SAGE1: variants seen among roughly 807,000 people sequenced by gnomAD.
SAGE1 encodes cancer/testis antigen 14.
A neutral mutation model predicts 55.4 loss-of-function variants in SAGE1; 55 were observed. The observed-to-expected ratio is 0.99, with a 90% CI of 0.80 to 1.24. The LOEUF (loss-of-function observed/expected upper bound fraction) is 1.24. SAGE1 is among the 50% of genes most tolerant of loss of function. SAGE1 has a pLI of 0.00. For synonymous variants in SAGE1, 240 were observed against 244.3 expected, an observed-to-expected ratio of 0.98 and a Z score of 0.17; for missense variants, 710 against 704.4, an observed-to-expected ratio of 1.01 and a Z score of -0.09.
chrX:135,906,905 G>T, intron 7 of SAGE1, 21 bp from the exon 8 acceptor site: 1 of 1,203,727 alleles, frequency 8.3e-7, no homozygotes, highest in Non-Finnish European at 1.1e-6. Flanking sequence ...TAACAGCTCA[G>T]CCTCTTCATT....
At position 135,907,612 on chromosome X, in the gene SAGE1, T is replaced by C. The variant is rs2088819447; in HGVS notation, c.1019-89T>C. ...GTATCCTCCTGCTTTATGAGTTAAT[T>C]TCCTAGACCCTGAGCATCAGAGGGA... On this transcript the variant is annotated intron_variant, in intron 9 of 19. Coordinates refer to ENST00000370709, the MANE Select transcript of SAGE1 (RefSeq NM_001381902.1). 1.2e-5 allele frequency: 13 copies of C among 1,056,614 alleles called. No individual in the cohort carries two copies. In the South Asian group the frequency reaches 2.8e-4, roughly 23 times the overall value. The allele number at this position is 1,056,614 out of a possible 1,213,427, so 87.1% of individuals were successfully genotyped here.
In SAGE1 at chrX:135,910,427, C is replaced by G; in HGVS notation, c.1877C>G (p.Thr626Ser). 1 of 1,210,556 alleles carries G rather than the reference C, an allele frequency of 8.3e-7. No individual in the cohort carries two copies. Among genetic ancestry groups the G allele is most frequent in the East Asian group, 3.0e-5 (1 of 33,792 alleles). ...CTTTTGTTTCCAGATGCTGCAGTCACTCACAACATCCGTGAAGAGAAGATA... is the reference window on the plus strand; with the variant it reads ...CTTTTGTTTCCAGATGCTGCAGTCAGTCACAACATCCGTGAAGAGAAGATA... ...MSTRDQYAAV[T>S]HNIREEKINN... The change falls in exon 16 of 20, where the codon ACT (threonine) becomes AGT (serine). Residue 626 changes from threonine to serine, a missense_variant. Physicochemically the swap from Thr to Ser is moderately conservative, Grantham distance 58. Coordinates refer to ENST00000370709, the MANE Select transcript of SAGE1 (RefSeq NM_001381902.1).
intron 2 of SAGE1, among the ~76,000 whole-genome samples, chrX:135,897,257 T>C (rs1294118481): frequency 1.8e-5 from 2 of 112,303 alleles, no homozygotes; most frequent in Non-Finnish European, 3.8e-5. Flanking sequence ...AACTTCACCA[T>C]TAGAACATGA....
Position 135,910,479 on chromosome X carries a change from C to T in SAGE1, c.1929C>T (p.Asn643=). The change falls in exon 16 of 20, where the codon AAC becomes AAT. Residue 643 remains asparagine (N), a synonymous_variant. Transcript: ENST00000370709. Reference sequence around the variant, plus strand: ...ATAACAGCCAACCAGCACCTGGTAACATCTTGTCAACTGCTCCTCCATGGC... The same window carrying T: ...ATAACAGCCAACCAGCACCTGGTAATATCTTGTCAACTGCTCCTCCATGGC... ...KINNSQPAPG[N]ILSTAPPWLR... The T allele has an allele frequency of 2.5e-6, 3 of 1,209,413 alleles. No homozygotes were observed. Among genetic ancestry groups the T allele is most frequent in the Non-Finnish European group, 3.4e-6 (3 of 893,411 alleles).
chrX:135,910,442 A>C lies in SAGE1; in HGVS notation c.1892A>C (p.Glu631Ala), dbSNP rs782682620. 11 of 1,208,663 alleles carry C rather than the reference A, an allele frequency of 9.1e-6. No individual in the cohort carries two copies. The East Asian group carries it at 3.0e-4, about 33-fold the overall frequency. The change falls in exon 16 of 20, where the codon GAA (glutamate) becomes GCA (alanine). Residue 631 changes from glutamate (E) to alanine (A), a missense_variant. Transcript: ENST00000370709. ...QYAAVTHNIREEKINNSQPAP... is the reference protein window; with the variant it reads ...QYAAVTHNIRAEKINNSQPAP... ...GCTGCAGTCACTCACAACATCCGTG[A>C]AGAGAAGATAAATAACAGCCAACCA...
chrX:135,908,611 G>T lies in SAGE1; in HGVS notation c.1435G>T (p.Asp479Tyr). The change falls in exon 12 of 20, where the codon GAT (aspartate) becomes TAT (tyrosine). Residue 479 changes from aspartate (D) to tyrosine (Y), a missense_variant. Physicochemically the swap from Asp to Tyr is radical, Grantham distance 160. Transcript: ENST00000370709. ...GASIPAMSSR[D>Y]LYATITHSVR... is the part of the protein sequence containing the mutation. ...TAGTATTCCAGCAATGAGTTCCAGG[G>T]ATCTGTGTATGTGTGTTTTTTAGTT... is the stretch of plus-strand genomic sequence containing the variant. 3.3e-6 allele frequency: 4 copies of T among 1,194,685 alleles called. No homozygotes were observed. The highest frequency in any genetic ancestry group is 4.5e-6 in the Non-Finnish European group (4 of 887,674).
intron 1 of SAGE1, among the ~76,000 whole-genome samples, chrX:135,895,848 C>T (rs1415312716): frequency 1.8e-5 from 2 of 111,501 alleles, no homozygotes; most frequent in Non-Finnish European, 3.8e-5. Flanking sequence ...AATTGGCATT[C>T]TAAATATTAA....
At chrX:135,898,710 T>C (rs1408347950) in intron 2 of SAGE1, among the ~76,000 whole-genome samples, 1 of 112,256 alleles carries the variant, frequency 8.9e-6, no homozygotes, top group Admixed American at 9.4e-5. Flanking sequence ...TGTTATCTCA[T>C]TGTGGTTTCG....
chrX:135,906,798 G>T, intron 7 of SAGE1, 128 bp from the exon 8 acceptor site: 4 of 957,691 alleles, frequency 4.2e-6, no homozygotes, highest in Non-Finnish European at 5.7e-6. Flanking sequence ...CAGGGGTCTC[G>T]TATGGCAACC....
At chrX:135,912,666 T>C (rs2088919358) in intron 19 of SAGE1, 132 bp from the exon 20 acceptor site, 1 of 1,103,300 alleles carries the variant, frequency 9.1e-7, no homozygotes, top group Admixed American at 3.6e-5. Context: ...TTTTCTAGTT[T>C]GTATCTTTCA....
At chrX:135,909,554 T>TA in intron 13 of SAGE1, 85 bp from the exon 14 acceptor site, 2 of 952,026 alleles carry the variant, frequency 2.1e-6, no homozygotes, top group Non-Finnish European at 2.9e-6. Flanking sequence ...AACAATTTCT[T>TA]ACAAACTGAA....
intron 2 of SAGE1, among the ~76,000 whole-genome samples, chrX:135,900,305 G>C (rs1317169422): frequency 8.9e-6 from 1 of 111,735 alleles, no homozygotes; most frequent in Non-Finnish European, 1.9e-5. Flanking sequence ...TCATTGATTG[G>C]CCTATTCTGA....
At position 135,906,992 on chromosome X, in the gene SAGE1, T is replaced by C. The variant is rs1556601914; in HGVS notation, c.803T>C (p.Ile268Thr). The C allele has an allele frequency of 8.3e-7, 1 of 1,209,818 alleles. No individual in the cohort carries two copies. Among genetic ancestry groups the C allele is most frequent in the South Asian group, 1.8e-5 (1 of 56,908 alleles). The change falls in exon 8 of 20, where the codon ATC becomes ACC. Residue 268 changes from isoleucine (I) to threonine (T), a missense_variant. Ile to Thr is a moderately conservative substitution (Grantham distance 89). Coordinates refer to ENST00000370709, the MANE Select transcript of SAGE1 (RefSeq NM_001381902.1). The part of the protein sequence containing the change: ...MEKGQPQPDN[I>T]LSTASTGLIN... ...AAGGGCCAACCCCAACCTGATAACA[T>C]CTTGTCAACTGCTTCAACAGGGCTT...
rs1556606804 is a variant in SAGE1 at position 135,911,910 on chromosome X, T to C, written c.2478T>C (p.Asp826=). The stretch of plus-strand genomic sequence containing the variant: ...CCATGGCAAAGAAAATTAATGATGA[T>C]ATAAAATATCAATTAATGAAAGAAG... ...SPAMAKKIND[D]IKYQLMKEVR... is the part of the protein sequence containing the mutation. The change falls in exon 18 of 20, where the codon GAT becomes GAC. Residue 826 remains aspartate (D), a synonymous_variant. Coordinates refer to ENST00000370709, the MANE Select transcript of SAGE1 (RefSeq NM_001381902.1). 18 of 1,207,614 alleles carry C rather than the reference T, an allele frequency of 1.5e-5. No homozygotes were observed. Among genetic ancestry groups the C allele is most frequent in the Non-Finnish European group, 2.0e-5 (18 of 893,028 alleles).
chrX:135,896,560 CTTT>C (rs35997575), intron 2 of SAGE1, among the ~76,000 whole-genome samples: 19,127 of 94,856 alleles, frequency 0.2, 1,750 homozygotes, highest in Non-Finnish European at 0.25. Context: ...TTATTTATAT[CTTT>C]TTTTTTTTTT....
Position 135,911,576 on chromosome X carries a change from C to T in SAGE1, c.2147-3C>T. 8.5e-7 allele frequency: 1 copy of T among 1,178,094 alleles called. No individual in the cohort carries two copies. The highest frequency in any genetic ancestry group is 3.0e-5 in the East Asian group (1 of 33,522). On this transcript the variant is annotated splice_polypyrimidine_tract_variant and splice_region_variant and intron_variant, in intron 17 of 19. Transcript: ENST00000370709. ...CAGCTCAATTTTTTCATTTGGATTC[C>T]AGATGCTACTGTCATTCACGATATC...
chrX:135,896,319 A>G lies in SAGE1; in HGVS notation c.77A>G (p.Asn26Ser), dbSNP rs781850891. ...CATGCTGCTGCCTATGTGTTTACAA[A>G]TGATGGGCAGGTAAGATAACTCTTT... is the stretch of plus-strand genomic sequence containing the variant. ...ELHAAAYVFT[N>S]DGQQMRSDEV... is the part of the protein sequence containing the mutation. Residue 26 changes from asparagine (N) to serine (S), a missense_variant, in exon 2 of 20, where the codon AAT becomes AGT. Physicochemically the swap from Asn to Ser is conservative, Grantham distance 46 (BLOSUM62 1). Coordinates refer to ENST00000370709, the MANE Select transcript of SAGE1 (RefSeq NM_001381902.1). 3.4e-6 allele frequency: 4 copies of G among 1,186,981 alleles called. No individual in the cohort carries two copies. Among genetic ancestry groups the G allele is most frequent in the East Asian group, 5.9e-5 (2 of 33,781 alleles).
Position 135,911,577 on chromosome X carries a change from A to G in SAGE1, c.2147-2A>G. ...AGCTCAATTTTTTCATTTGGATTCC[A>G]GATGCTACTGTCATTCACGATATCC... On this transcript the variant is annotated splice_acceptor_variant, in intron 17 of 19. Coordinates refer to ENST00000370709, the MANE Select transcript of SAGE1 (RefSeq NM_001381902.1). LOFTEE classifies it high-confidence loss of function. 1 of 1,182,632 alleles carries G rather than the reference A, an allele frequency of 8.5e-7. No individual in the cohort carries two copies. The highest frequency in any genetic ancestry group is 1.8e-5 in the South Asian group (1 of 54,998).
chrX:135,902,109 T>C (rs1243451094), intron 3 of SAGE1, among the ~76,000 whole-genome samples: 1 of 111,915 alleles, frequency 8.9e-6, no homozygotes, highest in Non-Finnish European at 1.9e-5. Flanking sequence ...ACCCTGTTAC[T>C]AGAGACTCAT....
Sources: gnomAD v4.1 joint callset for allele counts (sites outside exome capture counted in the v4.1 genomes callset) on GRCh38, gnomAD v4.1.1 for gene constraint, MANE v1.5 for transcripts, NCBI Gene and HGNC (gene_info 2026-07-23, HGNC 2026-07-21) for gene names.